The following MIER3 variants were observed in gnomAD, a reference collection of about 807,000 sequenced individuals.
The protein encoded by MIER3 is MIER family member 3.
In MIER3, 9 loss-of-function variants were observed where a neutral mutation model predicts 63.2. That is an observed-to-expected ratio of 0.14 (90% CI 0.09 to 0.25). The LOEUF (loss-of-function observed/expected upper bound fraction) is 0.25, where lower values mean the gene tolerates loss of function less well. Ranked by LOEUF, MIER3 falls within the 10% of genes least tolerant of loss-of-function variation. The probability of loss-of-function intolerance (pLI) is 1.00; values close to 1 mark genes in which losing one functional copy is unlikely to be tolerated. For missense variants in MIER3, 512 were observed against 666.2 expected, an observed-to-expected ratio of 0.77 and a Z score of 2.55; for synonymous variants, 205 against 224.9, an observed-to-expected ratio of 0.91 and a Z score of 0.79.
intron 8 of MIER3, among the ~76,000 whole-genome samples, chr5:56,932,928 CAG>C (rs748001488): frequency 6.6e-6 from 1 of 151,838 alleles, no homozygotes; most frequent in Non-Finnish European, 1.5e-5. Flanking sequence ...ATAGACTATA[CAG>C]ACATCAAGAA....
rs765808918 is a variant in MIER3 at position 56,947,116 on chromosome 5, T to C, written c.35-45A>G. ...ATCACTTTACACATTTACAAGGCTA[T>C]TAACAAAAGAAAATAAAAATTTGTG... On this transcript the variant is annotated intron_variant, in intron 2 of 12. Transcript: ENST00000381199. The C allele has an allele frequency of 1.7e-5, 26 of 1,554,448 alleles. No homozygotes were observed. The South Asian group carries it at 3.3e-4, about 20-fold the overall frequency.
intron 9 of MIER3, chr5:56,929,362 G>C (rs571924793): frequency 2.0e-5 from 3 of 152,370 alleles, no homozygotes; most frequent in Admixed American, 2.0e-4. Context: ...GAGCCCAGGA[G>C]TTTGAAATCA....
chr5:56,950,704 G>A (rs376098470), intron 1 of MIER3, 52 bp from the exon 2 acceptor site: 6 of 1,603,720 alleles, frequency 3.7e-6, no homozygotes, highest in Non-Finnish European at 5.1e-6. Context: ...CAGGGAAAGA[G>A]GCAGCGCCGG....
intron 2 of MIER3, among the ~76,000 whole-genome samples, chr5:56,948,187 T>C (rs1750891965): frequency 1.3e-5 from 2 of 152,308 alleles, no homozygotes; most frequent in African/African-American, 2.4e-5. Context: ...GATTTTTCAC[T>C]ATGGAAAAAC....
intron 8 of MIER3, 27 bp downstream of exon 8, chr5:56,933,220 G>A: frequency 6.5e-7 from 1 of 1,549,768 alleles, no homozygotes; most frequent in East Asian, 2.4e-5. Flanking sequence ...TAAACTGGCT[G>A]CTGTTTCAAC....
At chr5:56,940,811 T>C (rs763553276) in intron 3 of MIER3, among the ~76,000 whole-genome samples, 1 of 152,186 alleles carries the variant, frequency 6.6e-6, no homozygotes, top group African/African-American at 2.4e-5. Context: ...AAGACTCAAA[T>C]TTAGAGTCTC....
chr5:56,928,509 A>C (rs1457674251), intron 10 of MIER3: 2 of 277,450 alleles, frequency 7.2e-6, no homozygotes, highest in Non-Finnish European at 1.3e-5. Flanking sequence ...GAGAAATGAG[A>C]GTGAGACTTC....
chr5:56,945,867 G>A (rs1474634473), intron 3 of MIER3, among the ~76,000 whole-genome samples: 1 of 152,164 alleles, frequency 6.6e-6, no homozygotes, highest in Non-Finnish European at 1.5e-5. Flanking sequence ...AAGTGATATA[G>A]AAATAATCAA....
chr5:56,925,486 T>G, intron 10 of MIER3: 1 of 286,304 alleles, frequency 3.5e-6, no homozygotes, highest in South Asian at 3.2e-5. Flanking sequence ...AATTTGAAAT[T>G]TAAAACACAA....
chr5:56,935,477 A>G lies in MIER3; in HGVS notation c.546T>C (p.Tyr182=), dbSNP rs1260311839. 6.3e-7 allele frequency: 1 copy of G among 1,595,122 alleles called. No homozygotes were observed. The highest frequency in any genetic ancestry group is 2.2e-5 in the East Asian group (1 of 44,768). Residue 182 remains tyrosine, a synonymous_variant, in exon 7 of 13, where the codon TAT becomes TAC. Transcript: ENST00000381199. ...CAAGATAAGGGGGAATCTCTGCCTG[A>G]TATTGTAAACCAATCATTATTTCCT... ...LRKEIMIGLQ[Y]QAEIPPYLGE...
At chr5:56,949,031 G>A (rs1041874304) in intron 2 of MIER3, among the ~76,000 whole-genome samples, 9 of 152,110 alleles carry the variant, frequency 5.9e-5, no homozygotes, top group African/African-American at 1.9e-4. Context: ...AAAATACATG[G>A]GGATGACTGA....
intron 1 of MIER3, 45 bp from the exon 2 acceptor site, chr5:56,950,697 G>C (rs1384692026): frequency 6.2e-7 from 1 of 1,609,618 alleles, no homozygotes; most frequent in Non-Finnish European, 8.5e-7. Context: ...GCACAGCCAG[G>C]GAAAGAGGCA....
In MIER3 at chr5:56,950,551, G is replaced by C. The variant is rs138574079; in HGVS notation, c.34+77C>G. On this transcript the variant is annotated intron_variant, in intron 2 of 12. Coordinates refer to ENST00000381199, the MANE Select transcript of MIER3 (RefSeq NM_001297599.2). ...AAACCTGCAGGATACATTTCTATTGGGAATCCTTTAGCAACAGACCTTTGA... is the reference window on the plus strand; with the variant it reads ...AAACCTGCAGGATACATTTCTATTGCGAATCCTTTAGCAACAGACCTTTGA... 1.3e-3 allele frequency: 1,877 copies of C among 1,442,926 alleles called. 21 individuals carry two copies. In the African/African-American group the frequency reaches 0.024, roughly 18 times the overall value. The allele number at this position is 1,442,926 out of a possible 1,614,324, so 89.4% of individuals were successfully genotyped here.
At chr5:56,943,023 T>C (rs1750703493) in intron 3 of MIER3, among the ~76,000 whole-genome samples, 1 of 152,054 alleles carries the variant, frequency 6.6e-6, no homozygotes. Flanking sequence ...GATACACCAG[T>C]AATCCCTGGG....
intron 1 of MIER3, among the ~76,000 whole-genome samples, chr5:56,951,425 G>C (rs1751024848): frequency 6.6e-6 from 1 of 152,062 alleles, no homozygotes; most frequent in Non-Finnish European, 1.5e-5. Context: ...AGAGAAAACT[G>C]GAGCTATCAA....
intron 7 of MIER3, among the ~76,000 whole-genome samples, chr5:56,935,035 T>C (rs1434822275): frequency 6.6e-6 from 1 of 152,216 alleles, no homozygotes; most frequent in Non-Finnish European, 1.5e-5. Flanking sequence ...TTTCTTCCAG[T>C]CTCTTTTTCC....
chr5:56,942,037 A>G (rs556961163), intron 3 of MIER3, among the ~76,000 whole-genome samples: 3 of 152,338 alleles, frequency 2.0e-5, no homozygotes, highest in East Asian at 3.9e-4. Flanking sequence ...AACAACAACA[A>G]GAGTTCTGCA....
chr5:56,924,024 C>T lies in MIER3; in HGVS notation c.943G>A (p.Ala315Thr). The T allele has an allele frequency of 6.2e-7, 1 of 1,613,454 alleles. No individual in the cohort carries two copies. The highest frequency in any genetic ancestry group is 8.5e-7 in the Non-Finnish European group (1 of 1,179,802). Residue 315 changes from alanine to threonine, a missense_variant, in exon 11 of 13, where the codon GCT becomes ACT. Ala to Thr is a moderately conservative substitution (Grantham distance 58). Coordinates refer to ENST00000381199, the MANE Select transcript of MIER3 (RefSeq NM_001297599.2). ...ATATAGTAGAATGCTACACACTCAG[C>T]AACTGTCCTAGTTCTCACCTAATGA... ...QKNKVRTRTV[A>T]ECVAFYYMWK...
At position 56,933,442 on chromosome 5, in the gene MIER3, A is replaced by T. The variant is rs201831641; in HGVS notation, c.596-44T>A. ...TTAACACATTAAAAATCATGAACGC[A>T]CTCAAAGATGTACACAAACAATTCT... On this transcript the variant is annotated intron_variant, in intron 7 of 12. Transcript: ENST00000381199. 1,334 of 1,534,032 alleles carry T rather than the reference A, an allele frequency of 8.7e-4. 1 individual carries two copies. The highest frequency in any genetic ancestry group is 7.2e-4 in the Non-Finnish European group (820 of 1,137,020).
Sources: gnomAD v4.1 joint callset for allele counts (sites outside exome capture counted in the v4.1 genomes callset) on GRCh38, gnomAD v4.1.1 for gene constraint, MANE v1.5 for transcripts, NCBI Gene and HGNC (gene_info 2026-07-23, HGNC 2026-07-21) for gene names.